Variants in SYT9 observed in about 807,000 individuals in gnomAD.
SYT9 encodes synaptotagmin 9, also known as synaptotagmin-9.
In SYT9, 22 loss-of-function variants were observed where a neutral mutation model predicts 48.4. That is an observed-to-expected ratio of 0.45 (90% CI 0.32 to 0.65). The LOEUF (loss-of-function observed/expected upper bound fraction) is 0.65, where lower values mean the gene tolerates loss of function less well. SYT9 is among the 30% of genes least tolerant of loss of function. SYT9 has a pLI of 0.03. For missense variants in SYT9, 577 were observed against 622.0 expected, an observed-to-expected ratio of 0.93 and a Z score of 0.77; for synonymous variants, 265 against 245.0, an observed-to-expected ratio of 1.08 and a Z score of -0.76.
chr11:7,273,629 G>A (rs1177217818), intron 1 of SYT9, among the ~76,000 whole-genome samples: 1 of 152,112 alleles, frequency 6.6e-6, no homozygotes, highest in Non-Finnish European at 1.5e-5. Context: ...GTAGTCTGAG[G>A]GAAGTGTATG....
At chr11:7,408,420 G>A (rs1685868734) in intron 3 of SYT9, among the ~76,000 whole-genome samples, 1 of 152,208 alleles carries the variant, frequency 6.6e-6, no homozygotes, top group Non-Finnish European at 1.5e-5. Flanking sequence ...GAGCCACCAT[G>A]CCCAGCCAGT....
intron 3 of SYT9, among the ~76,000 whole-genome samples, chr11:7,378,941 A>C (rs534162485): frequency 6.6e-6 from 1 of 152,180 alleles, no homozygotes; most frequent in Non-Finnish European, 1.5e-5. Context: ...GATAAAACAC[A>C]CTGTGGCAGT....
chr11:7,346,085 T>C (rs1406716161), intron 3 of SYT9, among the ~76,000 whole-genome samples: 1 of 152,146 alleles, frequency 6.6e-6, no homozygotes, highest in Non-Finnish European at 1.5e-5. Context: ...GCAAAGTCAT[T>C]GGTGGCTTTA....
At chr11:7,271,554 A>C (rs1366351639) in intron 1 of SYT9, among the ~76,000 whole-genome samples, 1 of 152,044 alleles carries the variant, frequency 6.6e-6, no homozygotes, top group East Asian at 1.9e-4. Context: ...TGACTTCAGA[A>C]TATTCTGCTT....
chr11:7,452,249 G>A (rs1013716996), intron 6 of SYT9, among the ~76,000 whole-genome samples: 2 of 152,094 alleles, frequency 1.3e-5, no homozygotes, highest in East Asian at 3.9e-4. Flanking sequence ...CTACTCACAA[G>A]CACTTCTGCT....
intron 3 of SYT9, among the ~76,000 whole-genome samples, chr11:7,384,766 A>C (rs2134051031): frequency 6.6e-6 from 1 of 152,252 alleles, no homozygotes; most frequent in South Asian, 2.1e-4. Flanking sequence ...AAATCCTTTC[A>C]TAGTTTACAT....
intron 3 of SYT9, among the ~76,000 whole-genome samples, chr11:7,349,091 G>C (rs192920817): frequency 6.6e-6 from 1 of 152,096 alleles, no homozygotes; most frequent in East Asian, 1.9e-4. Context: ...AAAACTCAGA[G>C]GTAGGTTTGG....
intron 3 of SYT9, among the ~76,000 whole-genome samples, chr11:7,353,363 G>A (rs7933960): frequency 0.57 from 86,595 of 151,924 alleles, 25,891 homozygotes; most frequent in Non-Finnish European, 0.68. Flanking sequence ...TGGCCTCTCC[G>A]GCACTCAGCC....
chr11:7,342,157 C>A (rs866150003), intron 3 of SYT9, among the ~76,000 whole-genome samples: 9 of 152,140 alleles, frequency 5.9e-5, no homozygotes, highest in Admixed American at 1.3e-4. Context: ...CAAATCATAT[C>A]ATTCCACCCC....
intron 3 of SYT9, among the ~76,000 whole-genome samples, chr11:7,355,986 T>C (rs544903886): frequency 6.0e-4 from 91 of 152,216 alleles, no homozygotes; most frequent in Non-Finnish European, 1.2e-3. Flanking sequence ...ATGTTTCCTA[T>C]ATGAATCTAA....
chr11:7,450,215 G>A (rs779342444), intron 6 of SYT9, among the ~76,000 whole-genome samples: 35 of 152,168 alleles, frequency 2.3e-4, no homozygotes, highest in Non-Finnish European at 4.0e-4. Context: ...CGAGCTATCA[G>A]ATTAAGGTAG....
chr11:7,431,604 T>A (rs1374588146), intron 6 of SYT9, among the ~76,000 whole-genome samples: 2 of 152,180 alleles, frequency 1.3e-5, no homozygotes, highest in Admixed American at 1.3e-4. Flanking sequence ...GCAGCCCCTC[T>A]CATTACAGGT....
In SYT9 at chr11:7,377,020, T is replaced by C. The variant is rs868747210; in HGVS notation, c.1045-39022T>C. Among the ~76,000 whole-genome samples, 11 of 149,780 alleles carry C rather than the reference T, an allele frequency of 7.3e-5. No individual in the cohort carries two copies. The South Asian group carries it at 2.0e-3, about 27-fold the overall frequency. On this transcript the variant is annotated intron_variant, in intron 3 of 6. Transcript: ENST00000318881. ...ATAGAAAATGCCTCTAGCATGTTTG[T>C]ATCTCCTTTATCTAGTATGTAGATA... is the stretch of plus-strand genomic sequence containing the variant.
At chr11:7,318,434 C>T (rs943903927) in intron 3 of SYT9, among the ~76,000 whole-genome samples, 6 of 152,036 alleles carry the variant, frequency 3.9e-5, no homozygotes, top group African/African-American at 1.5e-4. Context: ...CTGCCTCGGC[C>T]TCCTGAGTAG....
intron 3 of SYT9, among the ~76,000 whole-genome samples, chr11:7,365,230 G>C (rs977933500): frequency 3.0e-4 from 46 of 152,048 alleles, no homozygotes; most frequent in African/African-American, 1.1e-3. Context: ...GATGGGGTGG[G>C]GAAATGGGAA....
intron 1 of SYT9, among the ~76,000 whole-genome samples, chr11:7,276,819 G>A (rs1848401804): frequency 6.6e-6 from 1 of 152,114 alleles, no homozygotes; most frequent in Admixed American, 6.5e-5. Flanking sequence ...AAGCCAAGGC[G>A]GGTGGATCAC....
chr11:7,362,027 TATCAGGAAATAATTAC>T (rs1484206912), intron 3 of SYT9, among the ~76,000 whole-genome samples: 32 of 152,302 alleles, frequency 2.1e-4, no homozygotes, highest in African/African-American at 6.3e-4. Context: ...TAGCTAAAAC[TATCAGGAAATAATTAC>T]ATCAGGAAAA....
At chr11:7,310,271 C>T (rs910031485) in intron 2 of SYT9, among the ~76,000 whole-genome samples, 3 of 151,894 alleles carry the variant, frequency 2.0e-5, no homozygotes, top group African/African-American at 7.3e-5. Context: ...GTAGCTGGGA[C>T]TACAGGTGTG....
intron 1 of SYT9, among the ~76,000 whole-genome samples, chr11:7,295,297 T>A (rs572040835): frequency 6.6e-6 from 1 of 152,376 alleles, no homozygotes; most frequent in Middle Eastern, 3.4e-3. Context: ...TGCTCCCAAC[T>A]AAATATCCTG....
Sources: allele counts gnomAD v4.1 joint callset (sites outside exome capture counted in the v4.1 genomes callset), GRCh38; gene constraint gnomAD v4.1.1; transcripts MANE v1.5; gene names NCBI Gene and HGNC (gene_info 2026-07-23, HGNC 2026-07-21).